METTL24: variants seen among roughly 807,000 people sequenced by gnomAD.
METTL24 encodes the protein methyltransferase like 24.
A neutral mutation model predicts 32.7 loss-of-function variants in METTL24; 29 were observed. The ratio of observed to expected loss-of-function variants is 0.89; its 90% CI spans 0.66 to 1.21. The LOEUF is 1.21. METTL24 is among the 50% of genes most tolerant of loss of function. The pLI, the probability that METTL24 is intolerant of heterozygous loss-of-function variation, is 0.00. For synonymous variants in METTL24, 163 were observed against 179.5 expected, an observed-to-expected ratio of 0.91 and a Z score of 0.73; for missense variants, 439 against 468.1, an observed-to-expected ratio of 0.94 and a Z score of 0.57.
chr6:110,303,931 G>A (rs1771583947), intron 3 of METTL24, among the ~76,000 whole-genome samples: 1 of 152,198 alleles, frequency 6.6e-6, no homozygotes, highest in South Asian at 2.1e-4. Context: ...GCTGGCATCT[G>A]GCAGGTGCCC....
intron 2 of METTL24, among the ~76,000 whole-genome samples, chr6:110,319,852 G>A (rs960582545): frequency 1.3e-5 from 2 of 152,094 alleles, no homozygotes; most frequent in Non-Finnish European, 1.5e-5. Context: ...CAAGTCTAGG[G>A]GTGCCACGCC....
intron 4 of METTL24, among the ~76,000 whole-genome samples, chr6:110,272,867 CT>C (rs1229318537): frequency 1.3e-5 from 2 of 151,756 alleles, no homozygotes; most frequent in Non-Finnish European, 2.9e-5. Context: ...GATGTTAGTC[CT>C]TTGTTGGATG....
intron 2 of METTL24, among the ~76,000 whole-genome samples, chr6:110,317,282 G>A (rs1319504553): frequency 6.6e-6 from 1 of 152,180 alleles, no homozygotes; most frequent in Admixed American, 6.5e-5. Flanking sequence ...TTTATTAACT[G>A]GGTGCGTCAA....
At chr6:110,297,728 T>G (rs572489408) in intron 4 of METTL24, among the ~76,000 whole-genome samples, 3 of 152,224 alleles carry the variant, frequency 2.0e-5, no homozygotes, top group Non-Finnish European at 4.4e-5. Context: ...ATTAACAGCA[T>G]GTAAAAAGGA....
intron 4 of METTL24, among the ~76,000 whole-genome samples, chr6:110,294,824 A>G (rs867915209): frequency 5.9e-5 from 9 of 152,210 alleles, no homozygotes; most frequent in South Asian, 2.1e-4. Context: ...CTGACACACC[A>G]TATACACATG....
At chr6:110,347,572 T>A (rs949083842) in intron 1 of METTL24, among the ~76,000 whole-genome samples, 4 of 152,240 alleles carry the variant, frequency 2.6e-5, no homozygotes, top group African/African-American at 9.6e-5. Flanking sequence ...AAAAACAATT[T>A]AGCAATTAGC....
Position 110,324,796 on chromosome 6 carries a change from G to A in METTL24, c.319-1924C>T, listed in dbSNP as rs574865401. ...ATTTCTTTTTTCCTTCTCTGAATTC[G>A]ATGTTGATTACCATTTGGTCAAACA... On this transcript the variant is annotated intron_variant, in intron 1 of 4. Transcript: ENST00000338882. Among the ~76,000 whole-genome samples the A allele has an allele frequency of 1.2e-3, 180 of 152,164 alleles. 2 individuals are homozygous for A. Among genetic ancestry groups the A allele is most frequent in the African/African-American group, 4.2e-3 (173 of 41,510 alleles).
chr6:110,334,798 T>G (rs906406155), intron 1 of METTL24, among the ~76,000 whole-genome samples: 1 of 152,252 alleles, frequency 6.6e-6, no homozygotes, highest in Non-Finnish European at 1.5e-5. Context: ...TGTTCATGTT[T>G]CATACTGACC....
At chr6:110,325,713 T>G (rs184947074) in intron 1 of METTL24, among the ~76,000 whole-genome samples, 1 of 152,068 alleles carries the variant, frequency 6.6e-6, no homozygotes, top group Non-Finnish European at 1.5e-5. Context: ...CTTTGAAGGG[T>G]GAGAAAAATG....
rs1323685135 is a variant in METTL24 at position 110,358,230 on chromosome 6, G to A, written c.43C>T (p.Arg15Cys). ...RPPGRGCGVL[R>C]RCLLGAVLLF... Reference sequence around the variant, plus strand: ...AGCACAGCCCCGAGTAGACACCGGCGCAGGACGCCGCAGCCCCTCCCGGGC... The same window carrying A: ...AGCACAGCCCCGAGTAGACACCGGCACAGGACGCCGCAGCCCCTCCCGGGC... Residue 15 changes from arginine to cysteine, a missense_variant, in exon 1 of 5, where the codon CGC becomes TGC. Arg to Cys is a radical substitution (Grantham distance 180, BLOSUM62 -3). Coordinates refer to ENST00000338882, the MANE Select transcript of METTL24 (RefSeq NM_001123364.3). The A allele has an allele frequency of 6.7e-7, 1 of 1,486,370 alleles. No homozygotes were observed. Among genetic ancestry groups the A allele is most frequent in the Non-Finnish European group, 8.9e-7 (1 of 1,125,196 alleles). The allele number at this position is 1,486,370 out of a possible 1,614,324, so 92.1% of individuals were successfully genotyped here.
At chr6:110,278,786 C>T (rs1771089838) in intron 4 of METTL24, among the ~76,000 whole-genome samples, 2 of 152,086 alleles carry the variant, frequency 1.3e-5, no homozygotes, top group Admixed American at 6.5e-5. Flanking sequence ...CTTTGGGAGG[C>T]CGAAGTGGGA....
Position 110,322,779 on chromosome 6 carries a change from T to C in METTL24, c.412A>G (p.Thr138Ala), listed in dbSNP as rs755030902. 4.3e-6 allele frequency: 7 copies of C among 1,612,534 alleles called. No homozygotes were observed. The highest frequency in any genetic ancestry group is 1.1e-5 in the South Asian group (1 of 90,838). The change falls in exon 2 of 5, where the codon ACC (threonine) becomes GCC (alanine). Residue 138 changes from threonine (T) to alanine (A), a missense_variant. Coordinates refer to ENST00000338882, the MANE Select transcript of METTL24 (RefSeq NM_001123364.3). Reference protein sequence around the residue: ...AWRFLRYISTTQIACNHMNTD... With the variant: ...AWRFLRYISTAQIACNHMNTD... The stretch of plus-strand genomic sequence containing the variant: ...CTTTGAGCCTGAAACACAACCTGGG[T>C]GGTGCTGATATATCTCAGGAACCTC...
chr6:110,250,562 T>C (rs781664862), intron 4 of METTL24, among the ~76,000 whole-genome samples: 1 of 151,834 alleles, frequency 6.6e-6, no homozygotes, highest in Non-Finnish European at 1.5e-5. Context: ...TAACAGTGTT[T>C]GGGGTAGCTT....
At chr6:110,291,028 C>G (rs1269118163) in intron 4 of METTL24, among the ~76,000 whole-genome samples, 1 of 152,030 alleles carries the variant, frequency 6.6e-6, no homozygotes, top group Non-Finnish European at 1.5e-5. Context: ...GCCAGTTTAA[C>G]TCTTTTGTTT....
chr6:110,254,707 T>C (rs139912808), intron 4 of METTL24, among the ~76,000 whole-genome samples: 1 of 152,290 alleles, frequency 6.6e-6, no homozygotes, highest in African/African-American at 2.4e-5. Context: ...CCCCAACAAA[T>C]CAACATTCAT....
At chr6:110,264,574 G>A (rs1048442395) in intron 4 of METTL24, among the ~76,000 whole-genome samples, 9 of 152,292 alleles carry the variant, frequency 5.9e-5, no homozygotes, top group African/African-American at 1.9e-4. Context: ...CAATTCCTCA[G>A]GGATCTAGAA....
rs770655972 is a variant in METTL24, at chr6:110,299,072, G to C, written c.636C>G (p.Val212=). 1.9e-6 allele frequency: 3 copies of C among 1,614,158 alleles called. No homozygotes were observed. The highest frequency in any genetic ancestry group is 1.6e-4 in the Middle Eastern group (1 of 6,062). The change falls in exon 4 of 5, where the codon GTC becomes GTG. Residue 212 remains valine (V), a synonymous_variant. Coordinates refer to ENST00000338882, the MANE Select transcript of METTL24 (RefSeq NM_001123364.3). ...GCEVHRFDPS[V]KSAHILESQH... Reference sequence around the variant, plus strand: ...GACTCTCCAGAATGTGAGCTGACTTGACACTAGGATCAAAACGATGCACTT... The same window carrying C: ...GACTCTCCAGAATGTGAGCTGACTTCACACTAGGATCAAAACGATGCACTT...
At chr6:110,332,296 A>G (rs1416219299) in intron 1 of METTL24, 1 of 155,370 alleles carries the variant, frequency 6.4e-6, no homozygotes, top group Non-Finnish European at 1.4e-5. Flanking sequence ...TTAAATTGAC[A>G]TCTTTAAATT....
At chr6:110,308,063 C>A (rs1028318458) in intron 3 of METTL24, among the ~76,000 whole-genome samples, 1 of 152,178 alleles carries the variant, frequency 6.6e-6, no homozygotes, top group African/African-American at 2.4e-5. Flanking sequence ...TCCTCTTTCT[C>A]TGATGTCTTA....
Sources: gnomAD v4.1 joint callset for allele counts (sites outside exome capture counted in the v4.1 genomes callset) on GRCh38, gnomAD v4.1.1 for gene constraint, MANE v1.5 for transcripts, NCBI Gene and HGNC (gene_info 2026-07-23, HGNC 2026-07-21) for gene names.